Variants in HEATR4 observed in about 807,000 individuals in gnomAD.
HEATR4 encodes HEAT repeat-containing protein 4.
In HEATR4, 95 loss-of-function variants were observed where a neutral mutation model predicts 108.8. The observed-to-expected ratio is 0.87, with a 90% confidence interval of 0.74 to 1.04. The LOEUF (loss-of-function observed/expected upper bound fraction) is 1.04, where lower values mean the gene tolerates loss of function less well. Among genes scored for constraint, HEATR4 ranks in the 50% least tolerant of loss-of-function variants. The pLI is 0.00. For missense variants in HEATR4, 1,152 were observed against 1,253.8 expected, an observed-to-expected ratio of 0.92 and a Z score of 1.23; for synonymous variants, 443 against 459.4, an observed-to-expected ratio of 0.96 and a Z score of 0.46.
intron 17 of HEATR4, among the ~76,000 whole-genome samples, chr14:73,489,260 T>G (rs1422080867): frequency 6.6e-6 from 1 of 152,126 alleles, no homozygotes; most frequent in African/African-American, 2.4e-5. Context: ...AATGTCCCTA[T>G]GGAGACAATA....
Position 73,551,730 on chromosome 14 carries a change from C to T in HEATR4, c.-152+7021G>A, listed in dbSNP as rs1179625111. On this transcript the variant is annotated intron_variant, in intron 1 of 17. Coordinates refer to ENST00000553558, the MANE Select transcript of HEATR4 (RefSeq NM_001220484.1). ...GGCTGAGGCAGGAGAATCGCTTGAA[C>T]CCCAGGAGGCCGAGGTTGCAGTGAG... Among the ~76,000 whole-genome samples, 5 of 109,564 alleles carry T rather than the reference C, an allele frequency of 4.6e-5. 1 individual carries two copies. Among genetic ancestry groups the T allele is most frequent in the African/African-American group, 1.5e-4 (5 of 33,358 alleles). The allele number at this position is 109,564 out of a possible 152,430, so 71.9% of individuals were successfully genotyped here. A position where few individuals can be genotyped will look rare whatever the true frequency, so the allele number is the denominator to read the frequency against.
chr14:73,572,857 G>A, the HEATR4 span, among the ~76,000 whole-genome samples: 1 of 149,612 alleles, frequency 6.7e-6, no homozygotes, highest in East Asian at 1.9e-4. Flanking sequence ...TGTTGGCCAG[G>A]CTGGTCTCGA....
At chr14:73,633,253 C>T in the HEATR4 span, among the ~76,000 whole-genome samples, 1 of 152,292 alleles carries the variant, frequency 6.6e-6, no homozygotes, top group Admixed American at 6.5e-5. Context: ...GATCCATCCG[C>T]TTCGGCCTCC....
At chr14:73,568,268 C>A in the HEATR4 span, 1 of 151,566 alleles carries the variant, frequency 6.6e-6, no homozygotes, top group East Asian at 1.9e-4. Flanking sequence ...GAAGCCTACA[C>A]ATTTATAGCT....
intron 17 of HEATR4, among the ~76,000 whole-genome samples, chr14:73,487,790 C>T (rs1033970201): frequency 5.3e-5 from 8 of 152,120 alleles, no homozygotes; most frequent in African/African-American, 1.9e-4. Flanking sequence ...GAGATGGTAG[C>T]GCCTTTGGAG....
the HEATR4 span, chr14:73,595,356 G>C: frequency 4.3e-6 from 7 of 1,614,222 alleles, no homozygotes; most frequent in Non-Finnish European, 5.9e-6. Flanking sequence ...CTCATTGTTG[G>C]TCAGGATGAC....
Position 73,478,598 on chromosome 14 carries a change from T to G in HEATR4, c.*8A>C. The G allele has an allele frequency of 6.3e-7, 1 of 1,578,852 alleles. No homozygotes were observed. The highest frequency in any genetic ancestry group is 2.2e-5 in the East Asian group (1 of 44,730). ...TTCCTGCATCTTGAAGTAAGACAAG[T>G]GTTCAGCTTAGAGATGAGCACCTTT... On this transcript the variant is annotated 3_prime_UTR_variant, in exon 18 of 18. Transcript: ENST00000553558.
At chr14:73,602,430 T>A in the HEATR4 span, among the ~76,000 whole-genome samples, 1 of 152,142 alleles carries the variant, frequency 6.6e-6, no homozygotes, top group Non-Finnish European at 1.5e-5. Flanking sequence ...TACTGGGACA[T>A]CTAGAGAATG....
intron 2 of HEATR4, chr14:73,529,208 A>G (rs1888546684): frequency 6.6e-6 from 1 of 152,116 alleles, no homozygotes; most frequent in South Asian, 2.1e-4. Context: ...ACAAAAAATT[A>G]GCCAGGCGCA....
the HEATR4 span, chr14:73,575,615 A>G: frequency 4.5e-6 from 7 of 1,565,562 alleles, no homozygotes; most frequent in East Asian, 2.2e-5. Flanking sequence ...TTTAATAACT[A>G]AAGTTTTTTC....
chr14:73,523,324 AG>A, intron 2 of HEATR4, 100 bp from the exon 3 acceptor site: 1 of 611,616 alleles, frequency 1.6e-6, no homozygotes, highest in Admixed American at 3.0e-5. Context: ...ACAGATGGAA[AG>A]GGGGTGGGGA....
chr14:73,520,853 A>G lies in HEATR4; in HGVS notation c.1068T>C (p.Phe356=). The change falls in exon 4 of 18, where the codon TTT becomes TTC. Residue 356 remains phenylalanine, a splice_region_variant and synonymous_variant. Coordinates refer to ENST00000553558, the MANE Select transcript of HEATR4 (RefSeq NM_001220484.1). The stretch of plus-strand genomic sequence containing the variant: ...ACCACAGGGGCCCAGCTCTATTACC[A>G]AAGTAAATCTCCTGTTCAAAGGTGT... ...TDNTFEQEIY[F]DEVQIIHQIG... 1 of 1,613,352 alleles carries G rather than the reference A, an allele frequency of 6.2e-7. No homozygotes were observed. Among genetic ancestry groups the G allele is most frequent in the Non-Finnish European group, 8.5e-7 (1 of 1,179,604 alleles).
chr14:73,518,477 A>G (rs937157469), intron 5 of HEATR4, among the ~76,000 whole-genome samples: 1 of 152,084 alleles, frequency 6.6e-6, no homozygotes, highest in Non-Finnish European at 1.5e-5. Context: ...GGCCCATCTG[A>G]ACAGTAATCC....
chr14:73,589,480 C>A, the HEATR4 span, among the ~76,000 whole-genome samples: 85 of 152,054 alleles, frequency 5.6e-4, no homozygotes, highest in African/African-American at 2.0e-3. Context: ...TCACCATGCC[C>A]CACTAATTTT....
Position 73,498,216 on chromosome 14 carries a change from C to A in HEATR4, c.2485G>T (p.Asp829Tyr), listed in dbSNP as rs1373053499. ...TCTAGGAAGGTGTCCCTGACCCGGT[C>A]CCCTTGAAGTTTCAGGGCTAGGATG... is the stretch of plus-strand genomic sequence containing the variant. ...RSILALKLQG[D>Y]RVRDTFLDVL... is the part of the protein sequence containing the mutation. The change falls in exon 14 of 18, where the codon GAC becomes TAC. Residue 829 changes from aspartate to tyrosine, a missense_variant. Physicochemically the swap from Asp to Tyr is radical, Grantham distance 160. Transcript: ENST00000553558. The A allele has an allele frequency of 6.2e-7, 1 of 1,613,886 alleles. No individual in the cohort carries two copies. The highest frequency in any genetic ancestry group is 8.5e-7 in the Non-Finnish European group (1 of 1,179,972).
Position 73,499,609 on chromosome 14 carries a change from C to A in HEATR4, c.2287-469G>T, listed in dbSNP as rs1399120453. ...GACAAATGAGCTGGAGCCTAAAGTACCAACCTATATGCATAGTGAGTACAT... is the reference window on the plus strand; with the variant it reads ...GACAAATGAGCTGGAGCCTAAAGTAACAACCTATATGCATAGTGAGTACAT... On this transcript the variant is annotated intron_variant, in intron 12 of 17. Coordinates refer to ENST00000553558, the MANE Select transcript of HEATR4 (RefSeq NM_001220484.1). Among the ~76,000 whole-genome samples, 4 of 152,132 alleles carry A rather than the reference C, an allele frequency of 2.6e-5. No homozygotes were observed. In the South Asian group the frequency reaches 8.3e-4, roughly 32 times the overall value.
At chr14:73,487,321 C>A (rs1340715616) in intron 17 of HEATR4, among the ~76,000 whole-genome samples, 1 of 151,944 alleles carries the variant, frequency 6.6e-6, no homozygotes, top group Non-Finnish European at 1.5e-5. Context: ...AATCCCAGCA[C>A]TTTGGGAGGC....
the HEATR4 span, among the ~76,000 whole-genome samples, chr14:73,598,024 T>G: frequency 1.3e-5 from 2 of 151,254 alleles, no homozygotes; most frequent in Non-Finnish European, 2.9e-5. Flanking sequence ...GCACCAGGCT[T>G]GTTTATGGTA....
the HEATR4 span, among the ~76,000 whole-genome samples, chr14:73,585,136 T>G: frequency 6.6e-6 from 1 of 151,656 alleles, no homozygotes; most frequent in African/African-American, 2.4e-5. Context: ...CCCGGGTTTC[T>G]TACACCCATG....
Sources: gnomAD v4.1 joint callset for allele counts (sites outside exome capture counted in the v4.1 genomes callset) on GRCh38, gnomAD v4.1.1 for gene constraint, MANE v1.5 for transcripts, NCBI Gene and HGNC (gene_info 2026-07-23, HGNC 2026-07-21) for gene names.